The following XIRP2 variants were observed in gnomAD, a reference collection of about 807,000 sequenced individuals.
XIRP2 encodes xin actin binding repeat containing 2, also known as xin actin-binding repeat-containing protein 2.
Under a neutral mutation model 277.0 loss-of-function variants are expected in XIRP2, and 236 were observed. The observed-to-expected ratio is 0.85, with a 90% CI of 0.77 to 0.95. XIRP2 has a LOEUF of 0.95. XIRP2 is among the 40% of genes least tolerant of loss of function. The pLI is 0.00. For missense variants in XIRP2, 4,640 were observed against 4,157.5 expected (o/e 1.12, Z -3.19); for synonymous variants, 1,490 against 1,416.5 (o/e 1.05, Z -1.17).
chr2:167,181,452 G>T (rs1161257794), intron 3 of XIRP2, among the ~76,000 whole-genome samples: 1 of 151,974 alleles, frequency 6.6e-6, no homozygotes, highest in Non-Finnish European at 1.5e-5. Context: ...CTTCCTCTTT[G>T]TCTTCTTCAA....
chr2:167,163,279 A>G (rs1381273051), intron 3 of XIRP2, among the ~76,000 whole-genome samples: 2 of 152,226 alleles, frequency 1.3e-5, no homozygotes, highest in Non-Finnish European at 2.9e-5. Context: ...TTTACACTCT[A>G]ATCAGCAATG....
Position 167,043,519 on chromosome 2 carries a change from C to A in XIRP2, c.409-92390C>A, listed in dbSNP as rs116893684. Among the ~76,000 whole-genome samples the A allele has an allele frequency of 6.6e-5, 10 of 152,052 alleles. No homozygotes were observed. The East Asian group carries it at 1.5e-3, about 24-fold the overall frequency. Reference sequence around the variant, plus strand: ...GAAATGACAAAAGTGACATTACCAGCAACCCCACAGAACTACAAAAAACCC... The same window carrying A: ...GAAATGACAAAAGTGACATTACCAGAAACCCCACAGAACTACAAAAAACCC... On this transcript the variant is annotated intron_variant, in intron 2 of 10. Coordinates refer to ENST00000409195, the MANE Select transcript of XIRP2 (RefSeq NM_152381.6).
At chr2:166,898,688 C>A (rs1184958770) in intron 1 of XIRP2, among the ~76,000 whole-genome samples, 2 of 151,988 alleles carry the variant, frequency 1.3e-5, no homozygotes, top group East Asian at 3.9e-4. Context: ...ATGCAGATTC[C>A]TGTAACCACC....
intron 1 of XIRP2, among the ~76,000 whole-genome samples, chr2:166,890,419 T>C (rs1168489595): frequency 1.3e-5 from 2 of 152,014 alleles, no homozygotes; most frequent in Non-Finnish European, 2.9e-5. Context: ...ACTCCCCGAG[T>C]GGGCCCTTAA....
chr2:167,209,300 A>G (rs1336871318), intron 3 of XIRP2, among the ~76,000 whole-genome samples: 1 of 152,136 alleles, frequency 6.6e-6, no homozygotes, highest in African/African-American at 2.4e-5. Context: ...TGATTTTTTA[A>G]TTTTTTCTAG....
At chr2:166,931,730 T>G (rs770457312) in intron 2 of XIRP2, among the ~76,000 whole-genome samples, 1 of 152,196 alleles carries the variant, frequency 6.6e-6, no homozygotes, top group Non-Finnish European at 1.5e-5. Context: ...TGAATAAAAC[T>G]GCTATGAATA....
rs183370243 is a variant in XIRP2 at position 166,895,135 on chromosome 2, C to G, written c.-19+6578C>G. ...TCATGGTTGAAAATCTCTGAACTGC[C>G]CAAGCCAACTCCTAACAAGGAAAAA... On this transcript the variant is annotated intron_variant, in intron 1 of 10. Transcript: ENST00000409195. Among the ~76,000 whole-genome samples, 10 of 152,190 alleles carry G rather than the reference C, an allele frequency of 6.6e-5. No homozygotes were observed. In the East Asian group the frequency reaches 1.9e-3, roughly 30 times the overall value.
chr2:167,092,966 T>C (rs73970833), intron 2 of XIRP2, among the ~76,000 whole-genome samples: 14,732 of 152,142 alleles, frequency 0.097, 1,433 homozygotes, highest in African/African-American at 0.24. Context: ...GATTAAATTA[T>C]TTATTAATAT....
At chr2:167,090,190 A>T (rs1020040325) in intron 2 of XIRP2, among the ~76,000 whole-genome samples, 1 of 152,120 alleles carries the variant, frequency 6.6e-6, no homozygotes, top group Non-Finnish European at 1.5e-5. Context: ...CCAGATTAAA[A>T]CATGCATTCT....
In XIRP2 at chr2:167,259,273, G is replaced by A. The variant is rs765716437; in HGVS notation, c.*1456G>A. 6.2e-7 allele frequency: 1 copy of A among 1,613,334 alleles called. No individual in the cohort carries two copies. On this transcript the variant is annotated 3_prime_UTR_variant, in exon 11 of 11. Coordinates refer to ENST00000409195, the MANE Select transcript of XIRP2 (RefSeq NM_152381.6). ...CTCTGAGCCATGAATGTACAGCTAAGCCTTTGTTTCCCAGAGTGGAGGTGC... is the reference window on the plus strand; with the variant it reads ...CTCTGAGCCATGAATGTACAGCTAAACCTTTGTTTCCCAGAGTGGAGGTGC...
chr2:167,124,677 A>G (rs375621576), intron 2 of XIRP2, among the ~76,000 whole-genome samples: 1 of 152,174 alleles, frequency 6.6e-6, no homozygotes, highest in Non-Finnish European at 1.5e-5. Flanking sequence ...TGTAAATGCT[A>G]GAGGAGCTCT....
chr2:167,112,853 T>C (rs1177063238), intron 2 of XIRP2, among the ~76,000 whole-genome samples: 1 of 151,938 alleles, frequency 6.6e-6, no homozygotes, highest in East Asian at 1.9e-4. Context: ...GGTTTCATCA[T>C]CATGTTGCCG....
At chr2:167,227,452 C>A (rs1694636775) in intron 5 of XIRP2, among the ~76,000 whole-genome samples, 1 of 151,928 alleles carries the variant, frequency 6.6e-6, no homozygotes, top group South Asian at 2.1e-4. Flanking sequence ...CTTTGGGAGG[C>A]CAAAGTGGGA....
At chr2:167,042,299 G>A (rs899569403) in intron 2 of XIRP2, among the ~76,000 whole-genome samples, 7 of 151,996 alleles carry the variant, frequency 4.6e-5, no homozygotes, top group Admixed American at 1.3e-4. Flanking sequence ...ATAACAAGCA[G>A]CTAAAAAACA....
chr2:167,050,451 G>A (rs1688887906), intron 2 of XIRP2, among the ~76,000 whole-genome samples: 1 of 151,988 alleles, frequency 6.6e-6, no homozygotes, highest in African/African-American at 2.4e-5. Flanking sequence ...CCAAATGAAA[G>A]CCAAGTGATA....
chr2:166,891,868 C>T (rs1375920163), intron 1 of XIRP2, among the ~76,000 whole-genome samples: 1 of 152,162 alleles, frequency 6.6e-6, no homozygotes, highest in African/African-American at 2.4e-5. Flanking sequence ...ATTTACCTAA[C>T]CTTAACTTGC....
chr2:167,017,020 A>G (rs1574166595), intron 2 of XIRP2, among the ~76,000 whole-genome samples: 1 of 151,786 alleles, frequency 6.6e-6, no homozygotes, highest in African/African-American at 2.4e-5. Context: ...AGTCAACTAT[A>G]CTCTTCACAG....
At chr2:167,169,111 G>A (rs75710300) in intron 3 of XIRP2, among the ~76,000 whole-genome samples, 1 of 152,142 alleles carries the variant, frequency 6.6e-6, no homozygotes, top group African/African-American at 2.4e-5. Flanking sequence ...TAGTGGTAAG[G>A]TGTTGGGGGA....
chr2:167,175,137 G>C (rs1317097288), intron 3 of XIRP2, among the ~76,000 whole-genome samples: 1 of 152,114 alleles, frequency 6.6e-6, no homozygotes, highest in Non-Finnish European at 1.5e-5. Context: ...GAATATCCTT[G>C]TTAACTTTCT....
Sources: gnomAD v4.1 joint callset for allele counts (sites outside exome capture counted in the v4.1 genomes callset) on GRCh38, gnomAD v4.1.1 for gene constraint, MANE v1.5 for transcripts, NCBI Gene and HGNC (gene_info 2026-07-23, HGNC 2026-07-21) for gene names.